Variants in NTM observed in about 807,000 individuals in gnomAD.
The protein encoded by NTM is neurotrimin, also known as IgLON family member 2.
A neutral mutation model predicts 42.1 loss-of-function variants in NTM; 13 were observed. The ratio of observed to expected loss-of-function variants is 0.31; its 90% CI spans 0.20 to 0.49. The LOEUF is 0.49. NTM is among the 20% of genes least tolerant of loss of function. The pLI, the probability that NTM is intolerant of heterozygous loss-of-function variation, is 0.99. For synonymous variants in NTM, 187 were observed against 179.2 expected, an observed-to-expected ratio of 1.04 and a Z score of -0.35; for missense variants, 373 against 452.8, an observed-to-expected ratio of 0.82 and a Z score of 1.60.
At chr11:131,531,047 G>A (rs1014137329) in intron 1 of NTM, among the ~76,000 whole-genome samples, 3 of 152,170 alleles carry the variant, frequency 2.0e-5, no homozygotes, top group African/African-American at 7.2e-5. Flanking sequence ...CCATTTAAAG[G>A]GAACCTGTTA....
chr11:132,060,138 A>G (rs1329525114), intron 2 of NTM, among the ~76,000 whole-genome samples: 1 of 152,216 alleles, frequency 6.6e-6, no homozygotes, highest in Non-Finnish European at 1.5e-5. Context: ...GCCAAAACCC[A>G]GGCGTGCTGC....
rs550097461 is a variant in NTM at position 132,215,542 on chromosome 11, G to A, written c.526+3395G>A. The stretch of plus-strand genomic sequence containing the variant: ...GGGGCAGCTTAGGAGTGACCATCAG[G>A]TGGAAACGGAGATGGAGGGCCCTGT... On this transcript the variant is annotated intron_variant, in intron 4 of 8. Transcript: ENST00000683400. Among the ~76,000 whole-genome samples, 4 of 152,320 alleles carry A rather than the reference G, an allele frequency of 2.6e-5. No homozygotes were observed. In the South Asian group the frequency reaches 8.3e-4, roughly 32 times the overall value.
At chr11:131,414,625 G>A (rs562264868) in intron 1 of NTM, among the ~76,000 whole-genome samples, 1 of 152,178 alleles carries the variant, frequency 6.6e-6, no homozygotes, top group Non-Finnish European at 1.5e-5. Context: ...GGTCTCCCAT[G>A]CTCTGCCCTG....
intron 1 of NTM, among the ~76,000 whole-genome samples, chr11:131,666,679 G>A (rs185121965): frequency 1.3e-5 from 2 of 152,222 alleles, no homozygotes; most frequent in Admixed American, 6.5e-5. Flanking sequence ...CAGAGTCCCC[G>A]ACCCACAACA....
At chr11:132,135,184 G>A (rs1159014162) in intron 2 of NTM, among the ~76,000 whole-genome samples, 2 of 152,144 alleles carry the variant, frequency 1.3e-5, no homozygotes, top group Admixed American at 1.3e-4. Flanking sequence ...GGCCAGAAGG[G>A]CCCCCACTCC....
At chr11:131,492,769 T>C (rs1361494018) in intron 1 of NTM, among the ~76,000 whole-genome samples, 4 of 152,210 alleles carry the variant, frequency 2.6e-5, no homozygotes, top group African/African-American at 9.7e-5. Flanking sequence ...AGTACCATGA[T>C]GTGAACGTTA....
At chr11:131,763,782 T>C (rs2084665903) in intron 1 of NTM, among the ~76,000 whole-genome samples, 1 of 149,090 alleles carries the variant, frequency 6.7e-6, no homozygotes. Context: ...GTACGCTGCT[T>C]TATATAGTGC....
intron 1 of NTM, among the ~76,000 whole-genome samples, chr11:131,658,907 G>T (rs2067579185): frequency 6.6e-6 from 1 of 152,178 alleles, no homozygotes; most frequent in Non-Finnish European, 1.5e-5. Flanking sequence ...GGCATCAGAG[G>T]TTGGCAGTGA....
At chr11:132,199,108 G>T (rs1316518443) in intron 3 of NTM, among the ~76,000 whole-genome samples, 18 of 152,192 alleles carry the variant, frequency 1.2e-4, no homozygotes, top group Non-Finnish European at 1.0e-4. Flanking sequence ...CTAAATGGGA[G>T]AGGGCCTTGA....
intron 1 of NTM, among the ~76,000 whole-genome samples, chr11:131,485,698 A>G (rs1418882479): frequency 2.6e-5 from 4 of 152,222 alleles, no homozygotes; most frequent in East Asian, 1.9e-4. Flanking sequence ...TATTGATACC[A>G]GGAAGGATCA....
rs545974215 is a variant in NTM at position 131,513,338 on chromosome 11, C to G, written c.82+142450C>G. 5.9e-5 allele frequency among the ~76,000 whole-genome samples: 9 copies of G among 152,304 alleles called. No individual in the cohort carries two copies. The East Asian group carries it at 1.7e-3, about 29-fold the overall frequency. ...GCCCTCAGAGTAGGAGTTACAGGCT[C>G]TGCACCCATCCTCTGGGGTTTCCAT... On this transcript the variant is annotated intron_variant, in intron 1 of 8. Coordinates refer to ENST00000683400, the MANE Select transcript of NTM (RefSeq NM_001352005.2).
At chr11:132,246,316 G>A (rs2091150061) in intron 4 of NTM, among the ~76,000 whole-genome samples, 3 of 152,240 alleles carry the variant, frequency 2.0e-5, no homozygotes, top group Admixed American at 1.3e-4. Context: ...ATCGCACAGT[G>A]AAAGTCAAAC....
chr11:132,168,409 T>C (rs937484758), intron 3 of NTM, among the ~76,000 whole-genome samples: 1 of 152,174 alleles, frequency 6.6e-6, no homozygotes, highest in Non-Finnish European at 1.5e-5. Context: ...ATCACTTTCA[T>C]TGTAATTCTG....
At chr11:131,973,633 A>T (rs370558309) in intron 2 of NTM, among the ~76,000 whole-genome samples, 1 of 152,330 alleles carries the variant, frequency 6.6e-6, no homozygotes, top group Non-Finnish European at 1.5e-5. Context: ...CTTGGCCAAC[A>T]TGGGGAAACC....
intron 6 of NTM, among the ~76,000 whole-genome samples, chr11:132,314,227 G>A (rs3099771): frequency 0.65 from 99,470 of 152,092 alleles, 32,736 homozygotes; most frequent in African/African-American, 0.73. Flanking sequence ...TGTGTGAATC[G>A]TATTGCTCTG....
chr11:132,318,136 G>A (rs1264339345), intron 7 of NTM, among the ~76,000 whole-genome samples: 1 of 152,148 alleles, frequency 6.6e-6, no homozygotes, highest in Non-Finnish European at 1.5e-5. Flanking sequence ...GTTCTCCAAA[G>A]GAGGAGGATA....
chr11:131,589,316 C>T (rs77767979), intron 1 of NTM, among the ~76,000 whole-genome samples: 1 of 152,032 alleles, frequency 6.6e-6, no homozygotes, highest in Admixed American at 6.6e-5. Flanking sequence ...TTTCTCTTCC[C>T]TGGGACACAC....
At chr11:132,079,608 T>C (rs192674494) in intron 2 of NTM, among the ~76,000 whole-genome samples, 9 of 152,332 alleles carry the variant, frequency 5.9e-5, no homozygotes, top group Non-Finnish European at 7.3e-5. Flanking sequence ...TTTTACAAAG[T>C]ATGCCCATTT....
At chr11:131,429,752 TCA>T (rs1265115202) in intron 1 of NTM, among the ~76,000 whole-genome samples, 2 of 152,172 alleles carry the variant, frequency 1.3e-5, no homozygotes, top group Non-Finnish European at 2.9e-5. Context: ...GGTTTTCTGC[TCA>T]CACAGTGTTG....
Sources: allele counts gnomAD v4.1 joint callset (sites outside exome capture counted in the v4.1 genomes callset), GRCh38; gene constraint gnomAD v4.1.1; transcripts MANE v1.5; gene names NCBI Gene and HGNC (gene_info 2026-07-23, HGNC 2026-07-21).